The following CLDN14 variants were observed in gnomAD, a reference collection of about 807,000 sequenced individuals.
CLDN14 encodes claudin 14.
A neutral mutation model predicts 2.1 loss-of-function variants in CLDN14; 2 were observed. That is an observed-to-expected ratio of 0.96 (90% CI 0.39 to 3.01). The LOEUF (loss-of-function observed/expected upper bound fraction) is 3.01. CLDN14 is among the 30% of genes most tolerant of loss of function. CLDN14 has a pLI of 0.09. For synonymous variants in CLDN14, 136 were observed against 154.4 expected (o/e 0.88, Z 0.88); for missense variants, 298 against 328.0 (o/e 0.91, Z 0.71).
At chr21:36,484,935 C>T (rs1162303799), upstream of CLDN14, among the ~76,000 whole-genome samples, 1 of 152,110 alleles carries the variant, frequency 6.6e-6, no homozygotes, top group East Asian at 1.9e-4. Flanking sequence ...TGGTCTCAAA[C>T]TCCTGATCTC....
Position 36,486,363 on chromosome 21 carries a change from C to T in CLDN14, c.-82+24000G>A, listed in dbSNP as rs761474277. ...GCCTTCAGTCCCAGTTGTAGCAATC[C>T]TGGCCTCAGCAGCAGAGGCTGCAGC... On this transcript the variant is annotated intron_variant, in intron 2 of 2. Transcript: ENST00000342108. 5.1e-5 allele frequency: 46 copies of T among 893,302 alleles called. No homozygotes were observed. In the South Asian group the frequency reaches 6.1e-4, roughly 12 times the overall value. The allele number at this position is 893,302 out of a possible 1,614,324, so 55.3% of individuals were successfully genotyped here. A position where few individuals can be genotyped will look rare whatever the true frequency, so the allele number is the denominator to read the frequency against.
chr21:36,511,479 T>G (rs2087186205), intron 1 of CLDN14, among the ~76,000 whole-genome samples: 1 of 152,216 alleles, frequency 6.6e-6, no homozygotes, highest in South Asian at 2.1e-4. Context: ...GTAGTTTAAA[T>G]GATTGAACAA....
intron 1 of CLDN14, among the ~76,000 whole-genome samples, chr21:36,466,192 C>A (rs987490978): frequency 6.6e-6 from 1 of 152,172 alleles, no homozygotes; most frequent in Non-Finnish European, 1.5e-5. Context: ...ACTAGAGACA[C>A]CCCCCTGCAC....
chr21:36,549,331 G>A (rs1490128965), intron 1 of CLDN14, among the ~76,000 whole-genome samples: 2 of 151,896 alleles, frequency 1.3e-5, no homozygotes, highest in Non-Finnish European at 2.9e-5. Context: ...GCTACTGAGA[G>A]TCCTCGCTGA....
intron 1 of CLDN14, among the ~76,000 whole-genome samples, chr21:36,566,178 A>C (rs1568883424): frequency 6.6e-6 from 1 of 152,352 alleles, no homozygotes; most frequent in East Asian, 1.9e-4. Context: ...AGTTTGTTGG[A>C]GGAATCTTAA....
At chr21:36,493,017 C>T (rs1418988536) in intron 2 of CLDN14, among the ~76,000 whole-genome samples, 1 of 152,210 alleles carries the variant, frequency 6.6e-6, no homozygotes, top group Non-Finnish European at 1.5e-5. Flanking sequence ...CGCAAAGAAG[C>T]ATCTCAAACT....
intron 1 of CLDN14, among the ~76,000 whole-genome samples, chr21:36,466,636 G>T (rs2086649588): frequency 6.6e-6 from 1 of 152,152 alleles, no homozygotes; most frequent in Non-Finnish European, 1.5e-5. Flanking sequence ...GATGAGATTT[G>T]GATGGGGACA....
chr21:36,563,760 A>G (rs1378332519), intron 1 of CLDN14, among the ~76,000 whole-genome samples: 2 of 152,226 alleles, frequency 1.3e-5, no homozygotes, highest in African/African-American at 2.4e-5. Flanking sequence ...CTTTTGGCAG[A>G]CAGGGCTCAG....
intron 1 of CLDN14, among the ~76,000 whole-genome samples, chr21:36,474,004 C>T (rs932908714): frequency 1.2e-4 from 18 of 152,128 alleles, no homozygotes; most frequent in African/African-American, 2.9e-4. Context: ...AGCTCAGTTT[C>T]GGCGGAGTTG....
intron 1 of CLDN14, among the ~76,000 whole-genome samples, chr21:36,565,507 T>G (rs1324762764): frequency 6.6e-6 from 1 of 152,108 alleles, no homozygotes; most frequent in African/African-American, 2.4e-5. Flanking sequence ...GCTGGTAAAC[T>G]GGTTCTAAAA....
At chr21:36,537,899 C>T (rs376999056) in intron 1 of CLDN14, among the ~76,000 whole-genome samples, 9 of 152,156 alleles carry the variant, frequency 5.9e-5, no homozygotes, top group East Asian at 1.9e-4. Context: ...CTGCCTGCTT[C>T]AGCCTCCCAA....
chr21:36,510,882 G>A (rs537741195), intron 1 of CLDN14, among the ~76,000 whole-genome samples: 216 of 152,358 alleles, frequency 1.4e-3, no homozygotes, highest in African/African-American at 5.1e-3. Flanking sequence ...TTGTACAGTA[G>A]CCCTTAGCAA....
intron 1 of CLDN14, among the ~76,000 whole-genome samples, chr21:36,557,481 T>C (rs1210169303): frequency 3.3e-5 from 5 of 152,148 alleles, no homozygotes; most frequent in Non-Finnish European, 5.9e-5. Flanking sequence ...GCCATCCTAG[T>C]AGATGTGAGG....
At position 36,549,903 on chromosome 21, in the gene CLDN14, T is replaced by A. The variant is rs184293720; in HGVS notation, c.-220+26508A>T. Among the ~76,000 whole-genome samples, 162 of 152,354 alleles carry A rather than the reference T, an allele frequency of 1.1e-3. 2 individuals carry two copies. The highest frequency in any genetic ancestry group is 0.01 in the Admixed American group (160 of 15,310). ...GCCTGATTTTTCCCCTGAGCACGGA[T>A]GACGCTTGAAAGCCCATTCATGTTA... On this transcript the variant is annotated intron_variant, in intron 1 of 2. Coordinates refer to the CLDN14 transcript ENST00000342108.
upstream of CLDN14, among the ~76,000 whole-genome samples, chr21:36,483,393 C>T (rs2086866465): frequency 6.6e-6 from 1 of 152,252 alleles, no homozygotes. Context: ...CATGTGGTTT[C>T]AAACCATGCG....
chr21:36,560,710 G>A (rs2087628695), intron 1 of CLDN14, among the ~76,000 whole-genome samples: 1 of 152,128 alleles, frequency 6.6e-6, no homozygotes, highest in South Asian at 2.1e-4. Context: ...CTAATAGTGG[G>A]CATAGAAAAT....
At position 36,539,615 on chromosome 21, in the gene CLDN14, GGAGTGTGTGTGGAGT is replaced by G. The variant is rs553212522; in HGVS notation, c.-219-29130_-219-29116del. Among the ~76,000 whole-genome samples the G allele has an allele frequency of 3.8e-3, 548 of 144,014 alleles. 3 individuals carry two copies. The highest frequency in any genetic ancestry group is 0.017 in the South Asian group (70 of 4,216). The allele number at this position is 144,014 out of a possible 152,430, so 94.5% of individuals were successfully genotyped here. ...GTGTGTGTGTGGAGTGAATGTATGT[GGAGTGTGTGTGGAGT>G]GAGTGTGTGCGGAGTGTGTGTGTAG... is the stretch of plus-strand genomic sequence containing the variant. On this transcript the variant is annotated intron_variant, in intron 1 of 2. Transcript: ENST00000342108.
At chr21:36,520,885 C>T (rs574733720) in intron 1 of CLDN14, among the ~76,000 whole-genome samples, 17 of 152,134 alleles carry the variant, frequency 1.1e-4, no homozygotes, top group African/African-American at 3.4e-4. Flanking sequence ...AAACACTAAC[C>T]CCCTTCAACG....
intron 1 of CLDN14, among the ~76,000 whole-genome samples, chr21:36,468,020 G>A (rs756535229): frequency 1.4e-4 from 21 of 152,184 alleles, no homozygotes; most frequent in Non-Finnish European, 1.9e-4. Flanking sequence ...AATGGCTCTC[G>A]AGATGTTTGG....
Sources: allele counts gnomAD v4.1 joint callset (sites outside exome capture counted in the v4.1 genomes callset), GRCh38; gene constraint gnomAD v4.1.1; transcripts MANE v1.5; gene names NCBI Gene and HGNC (gene_info 2026-07-23, HGNC 2026-07-21).